The following UGT3A1 variants were observed in gnomAD, a reference collection of about 807,000 sequenced individuals.
The protein encoded by UGT3A1 is UDP-glycosyltransferase 3A1.
A neutral mutation model predicts 37.6 loss-of-function variants in UGT3A1; 40 were observed. The ratio of observed to expected loss-of-function variants is 1.06; its 90% CI spans 0.83 to 1.38. The LOEUF (loss-of-function observed/expected upper bound fraction) is 1.38. Among genes scored for constraint, UGT3A1 ranks in the 40% most tolerant of loss-of-function variants. UGT3A1 has a pLI of 0.00. For missense variants in UGT3A1, 642 were observed against 634.2 expected, an observed-to-expected ratio of 1.01 and a Z score of -0.13; for synonymous variants, 256 against 232.3, an observed-to-expected ratio of 1.10 and a Z score of -0.93.
intron 1 of UGT3A1, 28 bp downstream of exon 1, chr5:35,991,119 T>C (rs371784250): frequency 1.2e-6 from 2 of 1,614,128 alleles, no homozygotes; most frequent in Non-Finnish European, 1.7e-6. Flanking sequence ...GACGCGCCTG[T>C]CTGGGAATTC....
rs59401195 is a variant in UGT3A1 at position 35,985,079 on chromosome 5, T to TAAAAAA, written c.196+3365_196+3370dup. On this transcript the variant is annotated intron_variant, in intron 2 of 6. Transcript: ENST00000274278. ...CTTACCGGAAAATAAACATAAAATATAAAAAAAAAAAAAAAAGAAATTCCA... is the reference window on the plus strand; with the variant it reads ...CTTACCGGAAAATAAACATAAAATATAAAAAAAAAAAAAAAAAAAAAAGAAATTCCA... Among the ~76,000 whole-genome samples, 51 of 116,016 alleles carry TAAAAAA rather than the reference T, an allele frequency of 4.4e-4. 1 individual carries two copies. Among genetic ancestry groups the TAAAAAA allele is most frequent in the African/African-American group, 9.7e-4 (30 of 30,902 alleles). 76.1% of individuals were successfully genotyped at this position (116,016 alleles called of 152,430 possible).
intron 2 of UGT3A1, among the ~76,000 whole-genome samples, chr5:35,968,694 C>T (rs1437371058): frequency 6.6e-6 from 1 of 152,034 alleles, no homozygotes; most frequent in African/African-American, 2.4e-5. Flanking sequence ...AGAAGTCTGA[C>T]TCCATTCTTG....
intron 2 of UGT3A1, among the ~76,000 whole-genome samples, chr5:35,977,111 AGAGAAAGAAAAGAAGGAAGGAAGG>A (rs1740319421): frequency 2.7e-5 from 4 of 148,610 alleles, no homozygotes; most frequent in African/African-American, 1.0e-4. Flanking sequence ...AAAGAGAAAG[AGAGAAAGAAAAGAAGGAAGGAAGG>A]AAAGAAGGAA....
upstream of UGT3A1, chr5:35,991,599 G>C (rs1005734378): frequency 2.9e-6 from 3 of 1,032,022 alleles, no homozygotes; most frequent in Non-Finnish European, 3.5e-6. Context: ...TCACGTTAAT[G>C]AAGGCTCCAT....
chr5:35,996,653 AC>A (rs943820138), intron 2 of UGT3A1, among the ~76,000 whole-genome samples: 5 of 152,178 alleles, frequency 3.3e-5, no homozygotes, highest in African/African-American at 9.7e-5. Flanking sequence ...CAAAAGGTGA[AC>A]TTTTTTAAGA....
intron 2 of UGT3A1, 132 bp from the exon 3 acceptor site, chr5:35,968,265 G>A: frequency 1.6e-6 from 1 of 616,000 alleles, no homozygotes; most frequent in Non-Finnish European, 2.7e-6. Flanking sequence ...TGTTGATTTG[G>A]TTTTGTTTTT....
At chr5:35,975,207 G>A (rs1161223197) in intron 2 of UGT3A1, among the ~76,000 whole-genome samples, 1 of 152,176 alleles carries the variant, frequency 6.6e-6, no homozygotes, top group African/African-American at 2.4e-5. Context: ...AGCAGGGATG[G>A]AGTTTATGTA....
In UGT3A1 at chr5:35,957,234, G is replaced by A; in HGVS notation, c.1029C>T (p.Ala343=). 6.2e-7 allele frequency: 1 copy of A among 1,614,156 alleles called. No homozygotes were observed. The highest frequency in any genetic ancestry group is 8.5e-7 in the Non-Finnish European group (1 of 1,180,022). The change falls in exon 5 of 7, where the codon GCC becomes GCT. Residue 343 remains alanine (A), a synonymous_variant. Coordinates refer to ENST00000274278, the MANE Select transcript of UGT3A1 (RefSeq NM_152404.4). ...SSHWPRDVHL[A]TNVKIVDWLP... ...GCCAGTCCACAATTTTCACATTTGT[G>A]GCCAAATGAACATCTCTGGGCCAAT...
At chr5:35,975,535 A>T (rs946417217) in intron 2 of UGT3A1, among the ~76,000 whole-genome samples, 1 of 152,232 alleles carries the variant, frequency 6.6e-6, no homozygotes. Context: ...TCTACACAGC[A>T]TTGACTCTGA....
Position 36,000,796 on chromosome 5 carries a change from A to G in UGT3A1, c.-160+172T>C, listed in dbSNP as rs575296858. Among the ~76,000 whole-genome samples the G allele has an allele frequency of 2.0e-5, 3 of 152,348 alleles. No individual in the cohort carries two copies. The East Asian group carries it at 5.8e-4, about 29-fold the overall frequency. On this transcript the variant is annotated intron_variant, in intron 1 of 5. Coordinates refer to the UGT3A1 transcript ENST00000625798. Reference sequence around the variant, plus strand: ...CCTGTCTTAGAAAGAACAGGCACTTAAACTATCTGATTTAATATCCTTTAG... The same window carrying G: ...CCTGTCTTAGAAAGAACAGGCACTTGAACTATCTGATTTAATATCCTTTAG...
intron 1 of UGT3A1, 64 bp downstream of exon 1, chr5:35,991,083 G>A: frequency 6.2e-7 from 1 of 1,613,990 alleles, no homozygotes; most frequent in Non-Finnish European, 8.5e-7. Context: ...GCCGTTCGCT[G>A]GAGCCCTGGC....
At chr5:35,955,565 T>G in intron 6 of UGT3A1, 80 bp downstream of exon 6, 1 of 1,512,054 alleles carries the variant, frequency 6.6e-7, no homozygotes, top group Non-Finnish European at 9.1e-7. Flanking sequence ...GCTATTATTG[T>G]GAAAAATACA....
At chr5:35,983,156 G>A (rs887693503) in intron 2 of UGT3A1, among the ~76,000 whole-genome samples, 4 of 147,140 alleles carry the variant, frequency 2.7e-5, no homozygotes, top group South Asian at 2.2e-4. Context: ...TAATACACCA[G>A]ACTAAAAAAT....
rs950248031 is a variant in UGT3A1 at position 35,972,367 on chromosome 5, G to GA, written c.197-4235dup. Among the ~76,000 whole-genome samples, 58 of 149,718 alleles carry GA rather than the reference G, an allele frequency of 3.9e-4. 1 individual carries two copies. In the South Asian group the frequency reaches 6.2e-3, roughly 16 times the overall value. On this transcript the variant is annotated intron_variant, in intron 2 of 6. Coordinates refer to ENST00000274278, the MANE Select transcript of UGT3A1 (RefSeq NM_152404.4). ...CAAAAAACTCTGAGGTTTCCCAGAG[G>GA]AAAAAAAAAATTCTGCTTCAAGACT...
rs1739260407 is a variant in UGT3A1, at chr5:35,954,130, G to C, written c.*72C>G. 8.7e-6 allele frequency: 13 copies of C among 1,501,238 alleles called. 1 individual carries two copies. In the East Asian group the frequency reaches 2.9e-4, roughly 34 times the overall value. The allele number at this position is 1,501,238 out of a possible 1,614,324, so 93.0% of individuals were successfully genotyped here. On this transcript the variant is annotated 3_prime_UTR_variant, in exon 7 of 7. Coordinates refer to ENST00000274278, the MANE Select transcript of UGT3A1 (RefSeq NM_152404.4). ...GAGCTGAAGAGAGAACAGAGGGGTGGCGTGTGCTGGGGTGGGGAGAACCTT... is the reference window on the plus strand; with the variant it reads ...GAGCTGAAGAGAGAACAGAGGGGTGCCGTGTGCTGGGGTGGGGAGAACCTT...
rs142087066 is a variant in UGT3A1 at position 35,962,401 on chromosome 5, G to A, written c.843+2985C>T. On this transcript the variant is annotated intron_variant, in intron 4 of 6. Coordinates refer to ENST00000274278, the MANE Select transcript of UGT3A1 (RefSeq NM_152404.4). ...AGGAGTGAGACTGGGGCTTGTCTAG[G>A]GTGAGGATTTCTAGGATTAGGCAAG... 281 of 154,486 alleles carry A rather than the reference G, an allele frequency of 1.8e-3. 2 individuals carry two copies. Among genetic ancestry groups the A allele is most frequent in the African/African-American group, 6.3e-3 (261 of 41,584 alleles). 9.6% of individuals were successfully genotyped at this position (154,486 alleles called of 1,614,324 possible).
In UGT3A1 at chr5:35,965,767, A is replaced by C; in HGVS notation, c.462T>G (p.Ile154Met). The change falls in exon 4 of 7, where the codon ATT becomes ATG. Residue 154 changes from isoleucine to methionine, a missense_variant. By Grantham distance (10) the Ile-to-Met change is conservative (BLOSUM62 1). Transcript: ENST00000274278. ...CAAATGGTTTCACAAGCTTCTCAGCAATCAGGAAAGAACAGAAATCAAATG... is the reference window on the plus strand; with the variant it reads ...CAAATGGTTTCACAAGCTTCTCAGCCATCAGGAAAGAACAGAAATCAAATG... ...VEAFDFCSFL[I>M]AEKLVKPFVA... is the part of the protein sequence containing the mutation. 1 of 1,614,244 alleles carries C rather than the reference A, an allele frequency of 6.2e-7. No homozygotes were observed. Among genetic ancestry groups the C allele is most frequent in the South Asian group, 1.1e-5 (1 of 91,082 alleles).
intron 2 of UGT3A1, among the ~76,000 whole-genome samples, chr5:35,974,837 T>A (rs1362416304): frequency 1.3e-5 from 2 of 152,252 alleles, no homozygotes; most frequent in Admixed American, 1.3e-4. Flanking sequence ...TCCAGCCCTG[T>A]GACACCATTT....
intron 2 of UGT3A1, among the ~76,000 whole-genome samples, chr5:35,973,555 C>T (rs1053226514): frequency 2.0e-5 from 3 of 152,064 alleles, no homozygotes; most frequent in Non-Finnish European, 4.4e-5. Flanking sequence ...TGTCTTGGTA[C>T]CCTGAAAAGT....
Sources: allele counts gnomAD v4.1 joint callset (sites outside exome capture counted in the v4.1 genomes callset), GRCh38; gene constraint gnomAD v4.1.1; transcripts MANE v1.5; gene names NCBI Gene and HGNC (gene_info 2026-07-23, HGNC 2026-07-21).